Variants in VCPIP1 observed in about 807,000 individuals in gnomAD.
VCPIP1 encodes deubiquitinating protein VCPIP1.
VCPIP1 carries 8 observed loss-of-function variants against 85.0 expected under a neutral mutation model. The ratio of observed to expected loss-of-function variants is 0.09; its 90% confidence interval spans 0.06 to 0.17. The LOEUF (loss-of-function observed/expected upper bound fraction) is 0.17. Ranked by LOEUF, VCPIP1 falls within the 10% of genes least tolerant of loss-of-function variation. The probability of loss-of-function intolerance (pLI) is 1.00; values close to 1 mark genes in which losing one functional copy is unlikely to be tolerated. For missense variants in VCPIP1, 1,070 were observed against 1,486.3 expected (o/e 0.72, Z 4.61); for synonymous variants, 543 against 544.5 (o/e 1.00, Z 0.04).
At chr8:66,645,018 G>C (rs1355978987) in intron 2 of VCPIP1, among the ~76,000 whole-genome samples, 1 of 151,554 alleles carries the variant, frequency 6.6e-6, no homozygotes, top group Non-Finnish European at 1.5e-5. Flanking sequence ...AGAATCGCTT[G>C]AGCCCAGTTG....
At chr8:66,652,958 A>C (rs79928007) in intron 1 of VCPIP1, among the ~76,000 whole-genome samples, 5,494 of 152,288 alleles carry the variant, frequency 0.036, 122 homozygotes, top group Non-Finnish European at 0.051. Flanking sequence ...CTGAGCTCTG[A>C]ATAGTTGTGA....
In VCPIP1 at chr8:66,640,720, A is replaced by G. The variant is rs868219780; in HGVS notation, c.2798-5348T>C. On this transcript the variant is annotated intron_variant, in intron 2 of 2. Coordinates refer to ENST00000310421, the MANE Select transcript of VCPIP1 (RefSeq NM_025054.5). ...TCAAAGGGATGGCTTGACGGGGGGT[A>G]CTTCAGGGAAGAGTTTGGCCGGGGA... 5.3e-5 allele frequency among the ~76,000 whole-genome samples: 8 copies of G among 150,282 alleles called. No homozygotes were observed. In the South Asian group the frequency reaches 6.3e-4, roughly 12 times the overall value.
chr8:66,659,259 C>T (rs1382807776), intron 1 of VCPIP1, among the ~76,000 whole-genome samples: 1 of 150,090 alleles, frequency 6.7e-6, no homozygotes. Flanking sequence ...TGCAGTGGCG[C>T]AATCTTGGCT....
In VCPIP1 at chr8:66,632,049, A is replaced by G. The variant is rs1273765198; in HGVS notation, c.*2452T>C. Reference sequence around the variant, plus strand: ...AATTGCAGGAATGCATTTTAGTTATAATGTTACCTCTAGGGCTAAAAAAAA... The same window carrying G: ...AATTGCAGGAATGCATTTTAGTTATGATGTTACCTCTAGGGCTAAAAAAAA... On this transcript the variant is annotated 3_prime_UTR_variant, in exon 3 of 3. Coordinates refer to ENST00000310421, the MANE Select transcript of VCPIP1 (RefSeq NM_025054.5). 1.3e-5 allele frequency: 2 copies of G among 151,672 alleles called. No homozygotes were observed. Among genetic ancestry groups the G allele is most frequent in the Non-Finnish European group, 2.9e-5 (2 of 67,832 alleles). The allele number at this position is 151,672 out of a possible 1,614,324, so 9.4% of individuals were successfully genotyped here.
chr8:66,649,312 A>G (rs906475387), intron 2 of VCPIP1, among the ~76,000 whole-genome samples: 3 of 151,986 alleles, frequency 2.0e-5, no homozygotes, highest in Non-Finnish European at 4.4e-5. Flanking sequence ...AGAGTTCAAG[A>G]CCAGCCTGGG....
At chr8:66,662,867 G>A (rs957180093) in intron 1 of VCPIP1, among the ~76,000 whole-genome samples, 11 of 151,908 alleles carry the variant, frequency 7.2e-5, no homozygotes, top group Non-Finnish European at 1.0e-4. Flanking sequence ...ACTAGCATTC[G>A]TATTTAAGTG....
In VCPIP1 at chr8:66,628,805, CAAGT is replaced by C. The variant is rs1810805315; in HGVS notation, c.*5692_*5695del. On this transcript the variant is annotated 3_prime_UTR_variant, in exon 3 of 3. Transcript: ENST00000310421. ...TGTCCCATCAGCACTATGCCCTCTG[CAAGT>C]AAGACTATGACGACAATGGTCGGCA... 2 of 152,152 alleles carry C rather than the reference CAAGT, an allele frequency of 1.3e-5. No individual in the cohort carries two copies. Among genetic ancestry groups the C allele is most frequent in the African/African-American group, 4.8e-5 (2 of 41,420 alleles). The allele number at this position is 152,152 out of a possible 1,614,324, so 9.4% of individuals were successfully genotyped here.
chr8:66,665,077 T>C lies in VCPIP1; in HGVS notation c.1882A>G (p.Lys628Glu). 1 of 1,614,094 alleles carries C rather than the reference T, an allele frequency of 6.2e-7. No homozygotes were observed. Among genetic ancestry groups the C allele is most frequent in the Non-Finnish European group, 8.5e-7 (1 of 1,179,972 alleles). ...LNSNVYDVAM[K>E]LVTKHFPGEF... ...CCTGGAAAGTGCTTGGTAACAAGTT[T>C]CATTGCAACATCGTAAACATTACTA... The change falls in exon 1 of 3, where the codon AAA (lysine) becomes GAA (glutamate). Residue 628 changes from lysine to glutamate, a missense_variant. Around this residue, in one of 8 missense-constraint regions of VCPIP1, gnomAD observed 123 missense variants for 156.3 expected, o/e 0.79. Transcript: ENST00000310421. The surrounding 1 kb of genome is among the most constrained non-coding windows in gnomAD (Gnocchi z 4.3).
chr8:66,657,268 A>G (rs555045288), intron 1 of VCPIP1, among the ~76,000 whole-genome samples: 51 of 152,324 alleles, frequency 3.3e-4, no homozygotes, highest in African/African-American at 1.2e-3. Flanking sequence ...ACTATTTATG[A>G]CCATAAAATG....
At chr8:66,660,991 C>T (rs899607459) in intron 1 of VCPIP1, among the ~76,000 whole-genome samples, 2 of 151,702 alleles carry the variant, frequency 1.3e-5, no homozygotes, top group Non-Finnish European at 2.9e-5. Flanking sequence ...TGCAGTGAGC[C>T]GAGATCGCAC....
rs1374413548 is a variant in VCPIP1 at position 66,666,578 on chromosome 8, G to A, written c.381C>T (p.Cys127=). The change falls in exon 1 of 3, where the codon TGC becomes TGT. Residue 127 remains cysteine, a synonymous_variant. Coordinates refer to ENST00000310421, the MANE Select transcript of VCPIP1 (RefSeq NM_025054.5). This position sits in a 1 kb window ranked among gnomAD's most constrained non-coding sequence, Gnocchi z 6.3. ...VKVMGLSNYH[C]KLLSPILARY... is the part of the protein sequence containing the mutation. ...GAGCTAATATGGGCGACAACAATTTGCAGTGATAGTTGGAAAGGCCCATCA... is the reference window on the plus strand; with the variant it reads ...GAGCTAATATGGGCGACAACAATTTACAGTGATAGTTGGAAAGGCCCATCA... 2 of 1,614,150 alleles carry A rather than the reference G, an allele frequency of 1.2e-6. No individual in the cohort carries two copies. Among genetic ancestry groups the A allele is most frequent in the East Asian group, 2.2e-5 (1 of 44,862 alleles).
At chr8:66,657,302 A>T (rs1358783158) in intron 1 of VCPIP1, among the ~76,000 whole-genome samples, 1 of 152,220 alleles carries the variant, frequency 6.6e-6, no homozygotes, top group Admixed American at 6.5e-5. Context: ...TTTAAATTTA[A>T]AATTTAAAGA....
chr8:66,651,771 T>C (rs1366590907), intron 1 of VCPIP1, among the ~76,000 whole-genome samples: 5 of 151,964 alleles, frequency 3.3e-5, no homozygotes, highest in Non-Finnish European at 1.5e-5. Flanking sequence ...CATGGAAGAG[T>C]GCACGCCTAG....
At position 66,634,430 on chromosome 8, in the gene VCPIP1, G is replaced by A. The variant is rs1810863331; in HGVS notation, c.*71C>T. 6.7e-7 allele frequency: 1 copy of A among 1,495,252 alleles called. No individual in the cohort carries two copies. Among genetic ancestry groups the A allele is most frequent in the Non-Finnish European group, 8.9e-7 (1 of 1,118,032 alleles). The allele number at this position is 1,495,252 out of a possible 1,614,324, so 92.6% of individuals were successfully genotyped here. A position where few individuals can be genotyped will look rare whatever the true frequency, so the allele number is the denominator to read the frequency against. The stretch of plus-strand genomic sequence containing the variant: ...TACAAGATTTTTAATGACTAATCAA[G>A]TTACGTGGCCCAGCCAACAAATATT... On this transcript the variant is annotated 3_prime_UTR_variant, in exon 3 of 3. Transcript: ENST00000310421.
At chr8:66,637,745 G>A (rs1445886838) in intron 2 of VCPIP1, among the ~76,000 whole-genome samples, 37 of 151,764 alleles carry the variant, frequency 2.4e-4, no homozygotes, top group South Asian at 1.0e-3. Context: ...TGAGGCGGGC[G>A]GATCACAAGG....
rs949196886 is a variant in VCPIP1 at position 66,665,626 on chromosome 8, C to T, written c.1333G>A (p.Val445Met). The T allele has an allele frequency of 1.9e-6, 3 of 1,614,094 alleles. No individual in the cohort carries two copies. Among genetic ancestry groups the T allele is most frequent in the African/African-American group, 1.3e-5 (1 of 74,932 alleles). Reference protein sequence around the residue: ...VHQYFYRRTGVIGVQPEEVTA... With the variant: ...VHQYFYRRTGMIGVQPEEVTA... ...ACTTCCTCAGGCTGAACTCCTATCA[C>T]TCCAGTCCTTCTGTAGAAATACTGA... is the stretch of plus-strand genomic sequence containing the variant. Residue 445 changes from valine (V) to methionine (M), a missense_variant, in exon 1 of 3, where the codon GTG (valine) becomes ATG (methionine). Around this residue, in one of 8 missense-constraint regions of VCPIP1, gnomAD observed 83 missense variants for 134.6 expected, o/e 0.62. Coordinates refer to ENST00000310421, the MANE Select transcript of VCPIP1 (RefSeq NM_025054.5). This position sits in a 1 kb window ranked among gnomAD's most constrained non-coding sequence, Gnocchi z 4.3.
At chr8:66,657,404 T>C (rs1811111439) in intron 1 of VCPIP1, among the ~76,000 whole-genome samples, 1 of 152,124 alleles carries the variant, frequency 6.6e-6, no homozygotes, top group Non-Finnish European at 1.5e-5. Context: ...ATTCCAAAGG[T>C]AAAGGTATTC....
rs1811186058 is a variant in VCPIP1, at chr8:66,664,390, C to G, written c.2569G>C (p.Gly857Arg). The G allele has an allele frequency of 1.2e-6, 2 of 1,613,640 alleles. No homozygotes were observed. Among genetic ancestry groups the G allele is most frequent in the African/African-American group, 1.3e-5 (1 of 74,926 alleles). The change falls in exon 1 of 3, where the codon GGT becomes CGT. Residue 857 changes from glycine (G) to arginine (R), a missense_variant. By Grantham distance (125) the Gly-to-Arg change is moderately radical. Around this residue, in one of 8 missense-constraint regions of VCPIP1, gnomAD observed 278 missense variants for 298.5 expected, o/e 0.93. Coordinates refer to ENST00000310421, the MANE Select transcript of VCPIP1 (RefSeq NM_025054.5). ...GAGTGTGCTGCAGCAGACTGACCAC[C>G]TTCAGCTTTACTTTTTAGAATTTCT... Reference protein sequence around the residue: ...TIEILKSKAEGGQSAAAHSAH... With the variant: ...TIEILKSKAERGQSAAAHSAH...
At chr8:66,658,027 G>A (rs1348483553) in intron 1 of VCPIP1, among the ~76,000 whole-genome samples, 2 of 152,076 alleles carry the variant, frequency 1.3e-5, no homozygotes, top group Non-Finnish European at 2.9e-5. Flanking sequence ...AGGGCTATCA[G>A]AAGGCATAGA....
Sources: gnomAD v4.1 joint callset for allele counts (sites outside exome capture counted in the v4.1 genomes callset) on GRCh38, gnomAD v4.1.1 for gene constraint, gnomAD v4.1.1 regional missense constraint, Gnocchi (gnomAD v3.1) non-coding constraint, MANE v1.5 for transcripts, NCBI Gene and HGNC (gene_info 2026-07-23, HGNC 2026-07-21) for gene names.